The following UBAP1 variants were observed in gnomAD, a reference collection of about 807,000 sequenced individuals.
The protein encoded by UBAP1 is ubiquitin associated protein 1, also known as ubiquitin-associated protein 1.
In UBAP1, 5 loss-of-function variants were observed where a neutral mutation model predicts 39.0. That is an observed-to-expected ratio of 0.13 (90% CI 0.07 to 0.27). UBAP1 has a LOEUF of 0.27. Ranked by LOEUF, UBAP1 falls within the 10% of genes least tolerant of loss-of-function variation. The pLI is 1.00. For synonymous variants in UBAP1, 211 were observed against 225.1 expected, an observed-to-expected ratio of 0.94 and a Z score of 0.56; for missense variants, 490 against 608.1, an observed-to-expected ratio of 0.81 and a Z score of 2.04.
chr9:34,188,163 A>G (rs921420239), intron 1 of UBAP1, among the ~76,000 whole-genome samples: 2 of 151,652 alleles, frequency 1.3e-5, no homozygotes, highest in Non-Finnish European at 2.9e-5. Flanking sequence ...AAAATACACT[A>G]CAAATACTGT....
At chr9:34,209,451 G>T (rs1488415514) in intron 1 of UBAP1, among the ~76,000 whole-genome samples, 1 of 151,962 alleles carries the variant, frequency 6.6e-6, no homozygotes, top group Admixed American at 6.6e-5. Context: ...TATCATTTTT[G>T]CCTTTTGAGT....
At chr9:34,242,714 G>A (rs545857954) in intron 4 of UBAP1, among the ~76,000 whole-genome samples, 16 of 152,118 alleles carry the variant, frequency 1.1e-4, no homozygotes, top group African/African-American at 3.6e-4. Context: ...TAGTAGAGAC[G>A]GGGTTTTACC....
intron 3 of UBAP1, among the ~76,000 whole-genome samples, chr9:34,235,987 A>G (rs538687851): frequency 1.3e-5 from 2 of 151,886 alleles, no homozygotes; most frequent in African/African-American, 4.8e-5. Flanking sequence ...CAGCCTTCTA[A>G]GTAGCTGGGA....
chr9:34,223,813 T>A (rs1245501859), intron 2 of UBAP1, among the ~76,000 whole-genome samples: 2 of 152,244 alleles, frequency 1.3e-5, no homozygotes, highest in African/African-American at 4.8e-5. Context: ...AGAAAAATTT[T>A]CTTTCTCCCT....
intron 2 of UBAP1, among the ~76,000 whole-genome samples, chr9:34,226,105 T>TGTGTG (rs1833038876): frequency 1.0e-4 from 9 of 88,274 alleles, no homozygotes; most frequent in African/African-American, 3.6e-4. Context: ...TCCTACTCTA[T>TGTGTG]TGTGTGTGTG....
At chr9:34,211,544 A>T (rs114175525) in intron 1 of UBAP1, among the ~76,000 whole-genome samples, 117 of 152,276 alleles carry the variant, frequency 7.7e-4, no homozygotes, top group African/African-American at 2.7e-3. Flanking sequence ...AGAGTATTAT[A>T]ATAATTTGAC....
chr9:34,234,815 A>G (rs1039649651), intron 3 of UBAP1, among the ~76,000 whole-genome samples: 3 of 152,174 alleles, frequency 2.0e-5, no homozygotes, highest in Non-Finnish European at 2.9e-5. Flanking sequence ...ATAAATGACT[A>G]TGTTACTCAT....
rs188244968 is a variant in UBAP1, at chr9:34,248,041, G to A, written c.1084-1738G>A. Among the ~76,000 whole-genome samples, 1,412 of 145,484 alleles carry A rather than the reference G, an allele frequency of 9.7e-3. 27 individuals are homozygous for A. Among genetic ancestry groups the A allele is most frequent in the African/African-American group, 0.033 (1,342 of 40,510 alleles). Reference sequence around the variant, plus strand: ...CTGCATGTATGTTTAAAATAGATACGATTTTTTTTTTTTTCAGACAGTCTC... The same window carrying A: ...CTGCATGTATGTTTAAAATAGATACAATTTTTTTTTTTTTCAGACAGTCTC... On this transcript the variant is annotated intron_variant, in intron 4 of 6. Coordinates refer to ENST00000297661, the MANE Select transcript of UBAP1 (RefSeq NM_016525.5).
rs912125163 is a variant in UBAP1 at position 34,213,664 on chromosome 9, T to C, written c.-7-7244T>C. ...CTCTTCAACATAGTACTGGAAGTCC[T>C]AGCCAGAACATTCAGACAAGGGAAA... On this transcript the variant is annotated intron_variant, in intron 1 of 6. Coordinates refer to ENST00000297661, the MANE Select transcript of UBAP1 (RefSeq NM_016525.5). 2.0e-5 allele frequency among the ~76,000 whole-genome samples: 3 copies of C among 152,282 alleles called. No individual in the cohort carries two copies. The East Asian group carries it at 5.8e-4, about 29-fold the overall frequency.
At chr9:34,243,894 G>A (rs971937237) in intron 4 of UBAP1, among the ~76,000 whole-genome samples, 4 of 152,130 alleles carry the variant, frequency 2.6e-5, no homozygotes, top group African/African-American at 7.2e-5. Flanking sequence ...CTGTCGCCCA[G>A]GCTGGAGTGC....
chr9:34,181,570 C>CT (rs1379264633), intron 1 of UBAP1, among the ~76,000 whole-genome samples: 3 of 149,976 alleles, frequency 2.0e-5, no homozygotes, highest in African/African-American at 7.4e-5. Context: ...GTAGCTGGGA[C>CT]TACGGGCTCC....
intron 1 of UBAP1, among the ~76,000 whole-genome samples, chr9:34,186,551 AT>A (rs1001706934): frequency 1.7e-4 from 26 of 149,980 alleles, no homozygotes; most frequent in Non-Finnish European, 2.8e-4. Flanking sequence ...TTTTAAATTA[AT>A]TTTTTTTTTC....
At chr9:34,239,927 T>C (rs1247196335) in intron 3 of UBAP1, among the ~76,000 whole-genome samples, 1 of 152,206 alleles carries the variant, frequency 6.6e-6, no homozygotes, top group Non-Finnish European at 1.5e-5. Flanking sequence ...TTTTTCTGCG[T>C]TCCAAGTATT....
At chr9:34,204,160 C>G (rs929571493) in intron 1 of UBAP1, among the ~76,000 whole-genome samples, 1 of 152,096 alleles carries the variant, frequency 6.6e-6, no homozygotes, top group Non-Finnish European at 1.5e-5. Flanking sequence ...AATCCTGTCT[C>G]TACTAAAAAT....
chr9:34,179,201 A>G lies in UBAP1; in HGVS notation c.-47A>G. On this transcript the variant is annotated 5_prime_UTR_variant, in exon 1 of 7. Transcript: ENST00000297661. ...GCCTGGGAGGCCGGCCGGTGCCAGC[A>G]CCTTTCGGCTTCTGAGACGGCGGCA... The G allele has an allele frequency of 1.6e-6, 2 of 1,222,884 alleles. No homozygotes were observed. Among genetic ancestry groups the G allele is most frequent in the Non-Finnish European group, 2.0e-6 (2 of 982,270 alleles). The allele number at this position is 1,222,884 out of a possible 1,614,324, so 75.8% of individuals were successfully genotyped here.
chr9:34,193,467 T>C (rs1326220209), intron 1 of UBAP1, among the ~76,000 whole-genome samples: 4 of 152,028 alleles, frequency 2.6e-5, no homozygotes, highest in Non-Finnish European at 4.4e-5. Flanking sequence ...GGACACCAGC[T>C]CGGTGTTCTC....
chr9:34,250,563 C>CCACCCA, intron 5 of UBAP1, 95 bp from the exon 6 acceptor site: 2 of 927,872 alleles, frequency 2.2e-6, no homozygotes, highest in Non-Finnish European at 3.3e-6. Context: ...CTGGGTGGGG[C>CCACCCA]GGAGAACGGA....
chr9:34,203,476 C>G (rs1301529280), intron 1 of UBAP1, among the ~76,000 whole-genome samples: 1 of 152,146 alleles, frequency 6.6e-6, no homozygotes, highest in Non-Finnish European at 1.5e-5. Context: ...TGGCCGGGCA[C>G]TATGCTTGGT....
rs765367887 is a variant in UBAP1, at chr9:34,250,672, C to A, written c.1281C>A (p.Leu427=). Residue 427 remains leucine (L), a synonymous_variant, in exon 6 of 7, where the codon CTC becomes CTA. Transcript: ENST00000297661. The part of the protein sequence containing the change: ...GENIEQILDY[L]FAHGQLCEKG... Reference sequence around the variant, plus strand: ...TCTTTTCTTAGATTCTCGACTATCTCTTTGCACATGGACAGCTTTGTGAGA... The same window carrying A: ...TCTTTTCTTAGATTCTCGACTATCTATTTGCACATGGACAGCTTTGTGAGA... The A allele has an allele frequency of 2.5e-6, 4 of 1,613,282 alleles. No homozygotes were observed. Among genetic ancestry groups the A allele is most frequent in the Non-Finnish European group, 3.4e-6 (4 of 1,179,454 alleles).
Sources: allele counts gnomAD v4.1 joint callset (sites outside exome capture counted in the v4.1 genomes callset), GRCh38; gene constraint gnomAD v4.1.1; transcripts MANE v1.5; gene names NCBI Gene and HGNC (gene_info 2026-07-23, HGNC 2026-07-21).